Variants in WRN observed in about 807,000 individuals in gnomAD.
The protein encoded by WRN is WRN RecQ like helicase, also known as bifunctional 3'-5' exonuclease/ATP-dependent helicase WRN.
WRN carries 149 observed loss-of-function variants against 180.7 expected under a neutral mutation model. The ratio of observed to expected loss-of-function variants is 0.82; its 90% CI spans 0.72 to 0.94. The LOEUF (loss-of-function observed/expected upper bound fraction) is 0.94, where lower values mean the gene tolerates loss of function less well. WRN is among the 40% of genes least tolerant of loss of function. WRN has a pLI of 0.00. For missense variants in WRN, 1,661 were observed against 1,700.1 expected (o/e 0.98, Z 0.40); for synonymous variants, 548 against 568.9 (o/e 0.96, Z 0.52).
chr8:31,064,510 C>G lies in WRN; in HGVS notation c.355+76C>G. ...AACTTTATCCCTATAAAATTAAGTT[C>G]TTTTATTAGCTGGCCGTTCTCTCAT... On this transcript the variant is annotated intron_variant, in intron 4 of 34. Coordinates refer to ENST00000298139, the MANE Select transcript of WRN (RefSeq NM_000553.6). 2.5e-6 allele frequency: 4 copies of G among 1,583,988 alleles called. 1 individual carries two copies. Among genetic ancestry groups the G allele is most frequent in the South Asian group, 2.2e-5 (2 of 89,586 alleles).
intron 5 of WRN, among the ~76,000 whole-genome samples, chr8:31,065,909 G>A (rs1175034147): frequency 3.5e-5 from 5 of 141,892 alleles, no homozygotes; most frequent in African/African-American, 8.0e-5. Context: ...GTGGAGTTTC[G>A]CTCTTGTTGC....
At chr8:31,128,747 T>C (rs984314805) in intron 23 of WRN, among the ~76,000 whole-genome samples, 2 of 152,124 alleles carry the variant, frequency 1.3e-5, no homozygotes, top group Non-Finnish European at 2.9e-5. Context: ...TAGTCCCAGC[T>C]ACTCGGGAGG....
chr8:31,049,737 C>T (rs1232302371), intron 1 of WRN, among the ~76,000 whole-genome samples: 1 of 151,854 alleles, frequency 6.6e-6, no homozygotes, highest in Non-Finnish European at 1.5e-5. Flanking sequence ...TTATCTGTAC[C>T]TACAGATTCC....
chr8:31,109,131 T>G (rs1017558410), intron 18 of WRN, among the ~76,000 whole-genome samples: 4 of 152,138 alleles, frequency 2.6e-5, no homozygotes, highest in Non-Finnish European at 4.4e-5. Flanking sequence ...CTACCAGCTG[T>G]AGTGTGGTCT....
chr8:31,165,997 C>T (rs1803843871), intron 33 of WRN, among the ~76,000 whole-genome samples: 2 of 152,098 alleles, frequency 1.3e-5, no homozygotes, highest in South Asian at 2.1e-4. Flanking sequence ...AACCCACTTA[C>T]CTAGTTTCTA....
At chr8:31,150,759 G>A (rs1162400174) in intron 31 of WRN, among the ~76,000 whole-genome samples, 2 of 152,176 alleles carry the variant, frequency 1.3e-5, no homozygotes, top group Non-Finnish European at 2.9e-5. Flanking sequence ...ACATTCAAAT[G>A]TGGTAGTTGG....
At chr8:31,116,625 G>A (rs1801534647) in intron 20 of WRN, 97 bp downstream of exon 20, 1 of 1,516,684 alleles carries the variant, frequency 6.6e-7, no homozygotes, top group African/African-American at 1.4e-5. Context: ...TACTTTCTTT[G>A]TGTTGAACAT....
intron 1 of WRN, among the ~76,000 whole-genome samples, chr8:31,051,248 C>T (rs1458259702): frequency 6.6e-6 from 1 of 152,096 alleles, no homozygotes; most frequent in Non-Finnish European, 1.5e-5. Context: ...CCAACTTTCT[C>T]TTGAGACTGG....
chr8:31,065,084 A>G (rs1812643326), intron 5 of WRN, 21 bp downstream of exon 5: 5 of 1,603,044 alleles, frequency 3.1e-6, no homozygotes, highest in African/African-American at 2.7e-5. Flanking sequence ...TATATATATA[A>G]TTTTCATGAT....
In WRN at chr8:31,167,149, CA is replaced by C. The variant is rs772047427; in HGVS notation, c.4114del (p.Arg1372GlyfsTer21). On this transcript the variant is annotated frameshift_variant, in exon 34 of 35. Coordinates refer to ENST00000298139, the MANE Select transcript of WRN (RefSeq NM_000553.6). LOFTEE classifies it high-confidence loss of function. ...SGLQPSCDVN[K>X]RRCFPGSEEI... ...GACTTCAACCTTCATGTGATGTCAA[CA>C]AAAGGAGATGTTTTCCCGGTTCTGA... 1.4e-5 allele frequency: 23 copies of C among 1,613,252 alleles called. No homozygotes were observed. Among genetic ancestry groups the C allele is most frequent in the Non-Finnish European group, 1.9e-5 (23 of 1,179,496 alleles).
rs1479061121 is a variant in WRN at position 31,175,386 on chromosome 8, G to GACTGCGCC, written c.*2290_*2297dup. ...GGAGGCGGAGATTGCAGTGAGCTGA[G>GACTGCGCC]ACTGCGCCACTGCACCCCAGCCTGG... On this transcript the variant is annotated 3_prime_UTR_variant, in exon 35 of 35. Transcript: ENST00000298139. Among the ~76,000 whole-genome samples, 26 of 152,288 alleles carry GACTGCGCC rather than the reference G, an allele frequency of 1.7e-4. No individual in the cohort carries two copies. Among genetic ancestry groups the GACTGCGCC allele is most frequent in the African/African-American group, 5.8e-4 (24 of 41,566 alleles).
intron 10 of WRN, among the ~76,000 whole-genome samples, chr8:31,084,780 A>G (rs778904007): frequency 2.6e-5 from 4 of 152,218 alleles, no homozygotes; most frequent in Admixed American, 6.5e-5. Context: ...GTGGATGTCA[A>G]AAACAGCTAT....
chr8:31,065,396 C>T (rs1812657878), intron 5 of WRN, among the ~76,000 whole-genome samples: 1 of 152,070 alleles, frequency 6.6e-6, no homozygotes, highest in Non-Finnish European at 1.5e-5. Flanking sequence ...CCTCCTCCCA[C>T]CCTCCACCTC....
chr8:31,174,886 C>T lies in WRN; in HGVS notation c.*1784C>T, dbSNP rs867338017. Among the ~76,000 whole-genome samples, 1 of 133,354 alleles carries T rather than the reference C, an allele frequency of 7.5e-6. No individual in the cohort carries two copies. The highest frequency in any genetic ancestry group is 2.9e-5 in the African/African-American group (1 of 34,484). The allele number at this position is 133,354 out of a possible 152,430, so 87.5% of individuals were successfully genotyped here. ...TCTTTCTCTTTCTTTCTTTCTTTCT[C>T]TCTCTCTCTCTCTTTCTTTCTTTTT... On this transcript the variant is annotated 3_prime_UTR_variant, in exon 35 of 35. Transcript: ENST00000298139.
rs372067388 is a variant in WRN, at chr8:31,092,976, C to G, written c.1898+1078C>G. Among the ~76,000 whole-genome samples, 12 of 152,092 alleles carry G rather than the reference C, an allele frequency of 7.9e-5. No homozygotes were observed. The East Asian group carries it at 2.1e-3, about 27-fold the overall frequency. ...TTTGTTTTTTCAGAGTCAGGGTCTC[C>G]TTCTGTCACCCAGGCTAGAGTACAG... On this transcript the variant is annotated intron_variant, in intron 16 of 34. Coordinates refer to ENST00000298139, the MANE Select transcript of WRN (RefSeq NM_000553.6).
chr8:31,145,563 G>C (rs1009279975), intron 28 of WRN, among the ~76,000 whole-genome samples: 28 of 152,144 alleles, frequency 1.8e-4, no homozygotes, highest in Non-Finnish European at 4.4e-5. Context: ...GGAGACTAAC[G>C]TTGTTTTCAT....
chr8:31,122,630 A>G (rs1801765070), intron 21 of WRN, among the ~76,000 whole-genome samples: 1 of 151,956 alleles, frequency 6.6e-6, no homozygotes, highest in Admixed American at 6.6e-5. Context: ...ATTGCCATGA[A>G]TGGTTTAGAA....
At chr8:31,162,878 T>TATGATG (rs35224697) in intron 33 of WRN, among the ~76,000 whole-genome samples, 2 of 151,794 alleles carry the variant, frequency 1.3e-5, no homozygotes, top group South Asian at 2.1e-4. Context: ...TGGTGGCAAA[T>TATGATG]ATGATGATGA....
intron 34 of WRN, chr8:31,171,493 A>G (rs960315463): frequency 6.6e-6 from 1 of 152,198 alleles, no homozygotes; most frequent in African/African-American, 2.4e-5. Flanking sequence ...TTATATCCCC[A>G]GTATTTATTA....
Sources: allele counts gnomAD v4.1 joint callset (sites outside exome capture counted in the v4.1 genomes callset), GRCh38; gene constraint gnomAD v4.1.1; transcripts MANE v1.5; gene names NCBI Gene and HGNC (gene_info 2026-07-23, HGNC 2026-07-21).